The following COBLL1 variants were observed in gnomAD, a reference collection of about 807,000 sequenced individuals.
The protein encoded by COBLL1 is cordon-bleu protein-like 1.
Under a neutral mutation model 94.8 loss-of-function variants are expected in COBLL1, and 50 were observed. The observed-to-expected ratio is 0.53, with a 90% confidence interval of 0.42 to 0.67. The LOEUF is 0.67. COBLL1 is among the 30% of genes least tolerant of loss of function. The pLI is 0.00. For synonymous variants in COBLL1, 448 were observed against 473.8 expected (o/e 0.95, Z 0.71); for missense variants, 1,362 against 1,348.7 (o/e 1.01, Z -0.15).
At chr2:164,711,404 G>T (rs79231575) in intron 7 of COBLL1, among the ~76,000 whole-genome samples, 2,125 of 152,270 alleles carry the variant, frequency 0.014, 42 homozygotes, top group African/African-American at 0.048. Context: ...GACTGTGTTG[G>T]TAAGAGTCCT....
intron 2 of COBLL1, among the ~76,000 whole-genome samples, chr2:164,801,413 T>C (rs1683785252): frequency 8.9e-6 from 1 of 112,910 alleles, no homozygotes; most frequent in Admixed American, 1.3e-4. Context: ...CACTCCAGCC[T>C]GGGCGACAGA....
intron 12 of COBLL1, 104 bp from the exon 13 acceptor site, chr2:164,692,501 G>A: frequency 1.2e-6 from 1 of 843,504 alleles, no homozygotes; most frequent in Non-Finnish European, 1.8e-6. Flanking sequence ...ATCACCATTT[G>A]CCACACTGGT....
At chr2:164,842,001 T>C, upstream of COBLL1, 1 of 1,540,050 alleles carries the variant, frequency 6.5e-7, no homozygotes, top group Middle Eastern at 1.7e-4. Context: ...CGCCGCCGCC[T>C]CTGCAGCACG....
At chr2:164,747,793 G>T (rs1489044811) in intron 2 of COBLL1, among the ~76,000 whole-genome samples, 1 of 152,002 alleles carries the variant, frequency 6.6e-6, no homozygotes, top group East Asian at 1.9e-4. Flanking sequence ...TAGACTTCTA[G>T]GAAAAACATC....
intron 1 of COBLL1, among the ~76,000 whole-genome samples, chr2:164,674,695 A>G (rs1444983080): frequency 6.6e-6 from 1 of 152,218 alleles, no homozygotes; most frequent in African/African-American, 2.4e-5. Context: ...GTCTACCCTC[A>G]TGGGAAAAAT....
At chr2:164,663,169 G>A (rs1454904147) in intron 2 of COBLL1, among the ~76,000 whole-genome samples, 1 of 152,082 alleles carries the variant, frequency 6.6e-6, no homozygotes, top group East Asian at 1.9e-4. Context: ...AGGGCATAGG[G>A]CAACCTGCAC....
intron 2 of COBLL1, among the ~76,000 whole-genome samples, chr2:164,838,375 T>G (rs1375433254): frequency 1.3e-5 from 2 of 152,208 alleles, no homozygotes; most frequent in African/African-American, 4.8e-5. Flanking sequence ...AAAATACTCA[T>G]TCCCTGAATG....
chr2:164,688,012 C>T (rs548527702), intron 13 of COBLL1, among the ~76,000 whole-genome samples: 17 of 152,126 alleles, frequency 1.1e-4, no homozygotes, highest in Non-Finnish European at 1.5e-4. Flanking sequence ...AAATAAGCTA[C>T]GTCACATTCA....
At chr2:164,830,786 A>C (rs1574667720) in intron 2 of COBLL1, among the ~76,000 whole-genome samples, 1 of 152,234 alleles carries the variant, frequency 6.6e-6, no homozygotes. Context: ...GAAGTAAACT[A>C]GAAGGTGGAA....
At chr2:164,702,321 T>TG (rs1225333068) in intron 9 of COBLL1, among the ~76,000 whole-genome samples, 6 of 151,950 alleles carry the variant, frequency 3.9e-5, no homozygotes, top group African/African-American at 1.5e-4. Context: ...CCCAGCACTT[T>TG]GGGAGGCTGA....
At position 164,841,405 on chromosome 2, in the gene COBLL1, G is replaced by T; in HGVS notation, c.-50-159C>A. ...CTGCGGGCCCCGGCTCCCAGCCCGC[G>T]GGCGCCGCCGCCGTCTCTACAAGGT... On this transcript the variant is annotated intron_variant, in intron 1 of 13. Transcript: ENST00000652658. This position sits in a 1 kb window ranked among gnomAD's most constrained non-coding sequence, Gnocchi z 5.5. 8.6e-7 allele frequency: 1 copy of T among 1,166,916 alleles called. No individual in the cohort carries two copies. Among genetic ancestry groups the T allele is most frequent in the Non-Finnish European group, 1.1e-6 (1 of 946,890 alleles). The allele number at this position is 1,166,916 out of a possible 1,614,324, so 72.3% of individuals were successfully genotyped here. A position where few individuals can be genotyped will look rare whatever the true frequency, so the allele number is the denominator to read the frequency against.
At chr2:164,819,532 T>G (rs548017899) in intron 2 of COBLL1, among the ~76,000 whole-genome samples, 78 of 152,196 alleles carry the variant, frequency 5.1e-4, no homozygotes, top group African/African-American at 1.7e-3. Flanking sequence ...AAAAAAAAAT[T>G]TTTTTTAATC....
chr2:164,753,948 G>C (rs1436291160), intron 2 of COBLL1, among the ~76,000 whole-genome samples: 6 of 151,922 alleles, frequency 3.9e-5, no homozygotes, highest in Non-Finnish European at 8.8e-5. Flanking sequence ...GGCCAGGCTG[G>C]TCATGAACTC....
intron 2 of COBLL1, among the ~76,000 whole-genome samples, chr2:164,803,809 C>T (rs10173682): frequency 0.35 from 53,648 of 151,612 alleles, 9,686 homozygotes; most frequent in Admixed American, 0.41. Context: ...GTACTTGAAG[C>T]TTGTCACAGT....
chr2:164,751,316 G>A (rs567980227), intron 2 of COBLL1, among the ~76,000 whole-genome samples: 56 of 152,198 alleles, frequency 3.7e-4, no homozygotes, highest in South Asian at 8.3e-4. Flanking sequence ...GGGCTGGGAC[G>A]TGGCCTGTCT....
chr2:164,757,673 G>T (rs918645794), intron 2 of COBLL1, among the ~76,000 whole-genome samples: 1 of 151,976 alleles, frequency 6.6e-6, no homozygotes, highest in East Asian at 1.9e-4. Context: ...TAGACCAGGC[G>T]TGGTGGTTCA....
At position 164,826,541 on chromosome 2, in the gene COBLL1, T is replaced by G. The variant is rs57856987; in HGVS notation, c.41+14615A>C. ...ACTGGTATTATTTTCACACTTTCAT[T>G]CTGTATTACTATCCTCTTCCACAAT... On this transcript the variant is annotated intron_variant, in intron 2 of 13. Coordinates refer to ENST00000652658, the MANE Select transcript of COBLL1 (RefSeq NM_001365672.2). Among the ~76,000 whole-genome samples the G allele has an allele frequency of 2.8e-3, 422 of 152,346 alleles. 4 individuals are homozygous for G. Among genetic ancestry groups the G allele is most frequent in the African/African-American group, 9.7e-3 (403 of 41,592 alleles).
chr2:164,786,855 T>C (rs1328799985), intron 2 of COBLL1, among the ~76,000 whole-genome samples: 1 of 152,096 alleles, frequency 6.6e-6, no homozygotes, highest in African/African-American at 2.4e-5. Flanking sequence ...ATCCTCTACT[T>C]CCTTGCCTTA....
chr2:164,671,115 T>C (rs1406141645), intron 1 of COBLL1, among the ~76,000 whole-genome samples: 3 of 152,166 alleles, frequency 2.0e-5, no homozygotes. Context: ...CTCTTACTCC[T>C]TTCTATATAT....
Sources: allele counts gnomAD v4.1 joint callset (sites outside exome capture counted in the v4.1 genomes callset), GRCh38; gene constraint gnomAD v4.1.1; non-coding constraint Gnocchi (gnomAD v3.1); transcripts MANE v1.5; gene names NCBI Gene and HGNC (gene_info 2026-07-23, HGNC 2026-07-21).